RTEL1: variants seen among roughly 807,000 people sequenced by gnomAD.
RTEL1 encodes regulator of telomere length.
Under a neutral mutation model 162.2 loss-of-function variants are expected in RTEL1, and 86 were observed. That is an observed-to-expected ratio of 0.53 (90% CI 0.45 to 0.63). RTEL1 has a LOEUF of 0.63. RTEL1 is among the 30% of genes least tolerant of loss of function. RTEL1 has a pLI of 0.00. For synonymous variants in RTEL1, 958 were observed against 717.9 expected (o/e 1.33, Z -5.35); for missense variants, 1,941 against 1,750.2 (o/e 1.11, Z -1.95).
intron 30 of RTEL1, among the ~76,000 whole-genome samples, chr20:63,693,981 G>A (rs995517757): frequency 1.3e-5 from 2 of 151,598 alleles, no homozygotes; most frequent in African/African-American, 2.4e-5. Flanking sequence ...TGGAGTCCAA[G>A]TCTCCAGAGG....
chr20:63,678,605 A>ACGAACAGCACACACACTCCCC, intron 12 of RTEL1, among the ~76,000 whole-genome samples: 1 of 143,478 alleles, frequency 7.0e-6, no homozygotes, highest in African/African-American at 2.6e-5. Context: ...ACACACTCCC[A>ACGAACAGCACACACACTCCCC]CGAACAGCAC....
intron 30 of RTEL1, 73 bp from the exon 31 acceptor site, chr20:63,694,299 G>GGCCCGCC: frequency 4.8e-5 from 40 of 841,686 alleles, no homozygotes; most frequent in East Asian, 2.3e-4. Context: ...TCCCTAGCCA[G>GGCCCGCC]CCCTGCCCCC....
intron 30 of RTEL1, 129 bp downstream of exon 30, chr20:63,693,412 T>G: frequency 2.7e-6 from 3 of 1,091,722 alleles, no homozygotes; most frequent in Non-Finnish European, 3.9e-6. Context: ...CCTATGGGAG[T>G]GATGGGGGCC....
Position 63,695,503 on chromosome 20 carries a change from C to A in RTEL1, c.3675C>A (p.Ile1225=). ...GGGGTGAGCCTCATGGGAGAGACAT[C>A]GCTGGGCAGCAGGCCACGGGAGCTC... The part of the protein sequence containing the change: ...SEWGEPHGRD[I]AGQQATGAPG... The change falls in exon 34 of 35, where the codon ATC becomes ATA. Residue 1225 remains isoleucine, a synonymous_variant. Coordinates refer to ENST00000360203, the MANE Select transcript of RTEL1 (RefSeq NM_001283009.2). 1 of 1,611,142 alleles carries A rather than the reference C, an allele frequency of 6.2e-7. No homozygotes were observed. The highest frequency in any genetic ancestry group is 1.1e-5 in the South Asian group (1 of 90,856).
At chr20:63,680,802 C>A in intron 14 of RTEL1, 83 bp downstream of exon 14, 1 of 1,585,416 alleles carries the variant, frequency 6.3e-7, no homozygotes, top group South Asian at 1.1e-5. Flanking sequence ...TTAACTGATT[C>A]TAGACTTGGG....
intron 6 of RTEL1, among the ~76,000 whole-genome samples, chr20:63,663,176 A>T (rs1405080189): frequency 6.6e-6 from 1 of 152,104 alleles, no homozygotes; most frequent in Non-Finnish European, 1.5e-5. Flanking sequence ...GTCTCCCTGC[A>T]CCTAACCTGC....
At chr20:63,665,484 G>A (rs943021470) in intron 6 of RTEL1, among the ~76,000 whole-genome samples, 37 of 152,206 alleles carry the variant, frequency 2.4e-4, no homozygotes, top group African/African-American at 4.8e-5. Context: ...CTGCCATGCT[G>A]CAGAGGGGAG....
rs746119024 is a variant in RTEL1, at chr20:63,690,056, G to T, written c.2142-31G>T. 6 of 1,603,950 alleles carry T rather than the reference G, an allele frequency of 3.7e-6. No individual in the cohort carries two copies. In the South Asian group the frequency reaches 6.6e-5, roughly 18 times the overall value. The stretch of plus-strand genomic sequence containing the variant: ...AACTGAACCCTTGAAGCGGCTGTGG[G>T]CAGGGCAGCAGGGCTATGGCCACCC... On this transcript the variant is annotated intron_variant, in intron 24 of 34. Transcript: ENST00000360203.
At chr20:63,674,697 C>CAA (rs1182281905) in intron 10 of RTEL1, among the ~76,000 whole-genome samples, 2 of 117,426 alleles carry the variant, frequency 1.7e-5, no homozygotes, top group Non-Finnish European at 3.6e-5. Context: ...GAGGCCATCT[C>CAA]AAAAAAAAAA....
chr20:63,688,521 C>T lies in RTEL1; in HGVS notation c.1723-7C>T, dbSNP rs1384327042. The T allele has an allele frequency of 6.2e-7, 1 of 1,609,930 alleles. No individual in the cohort carries two copies. The highest frequency in any genetic ancestry group is 8.5e-7 in the Non-Finnish European group (1 of 1,179,278). On this transcript the variant is annotated splice_region_variant and splice_polypyrimidine_tract_variant and intron_variant, in intron 20 of 34. Coordinates refer to ENST00000360203, the MANE Select transcript of RTEL1 (RefSeq NM_001283009.2). Reference sequence around the variant, plus strand: ...GGCTGCCGTGTCCCTGCCTCTTCCTCCCACAGGCCCGCGACTTGGCCAGGA... The same window carrying T: ...GGCTGCCGTGTCCCTGCCTCTTCCTTCCACAGGCCCGCGACTTGGCCAGGA...
chr20:63,685,459 T>A, intron 14 of RTEL1, 64 bp from the exon 15 acceptor site: 1 of 1,531,320 alleles, frequency 6.5e-7, no homozygotes, highest in Admixed American at 1.8e-5. Flanking sequence ...TGTATGCGGC[T>A]GATGCTGCAG....
At position 63,693,489 on chromosome 20, in the gene RTEL1, ACCTCCACCTCCACCACCACCTCCT is replaced by A. The variant is rs1568720280; in HGVS notation, c.2992+209_2992+232del. 3.8e-4 allele frequency among the ~76,000 whole-genome samples: 11 copies of A among 29,220 alleles called. 2 individuals are homozygous for A. Among genetic ancestry groups the A allele is most frequent in the South Asian group, 2.6e-3 (2 of 756 alleles). The allele number at this position is 29,220 out of a possible 152,430, so 19.2% of individuals were successfully genotyped here. Reference sequence around the variant, plus strand: ...CACCTCCACCTCCACCTCCACCACCACCTCCACCTCCACCACCACCTCCTCCACCACCACCACCTCCACCACCAC... The same window carrying A: ...CACCTCCACCTCCACCTCCACCACCACCACCACCACCACCTCCACCACCAC... On this transcript the variant is annotated intron_variant, in intron 30 of 34. Transcript: ENST00000360203.
At chr20:63,690,764 GC>G (rs766703362) in intron 26 of RTEL1, 40 bp from the exon 27 acceptor site, 2 of 1,558,228 alleles carry the variant, frequency 1.3e-6, no homozygotes, top group Non-Finnish European at 1.7e-6. Flanking sequence ...CCCAGCTGGG[GC>G]CCCCCGTGGG....
intron 1 of RTEL1, 23 bp downstream of exon 1, chr20:63,658,489 G>C (rs1407782539): frequency 3.3e-5 from 5 of 152,432 alleles, no homozygotes; most frequent in Admixed American, 2.6e-4. Context: ...GACCCTACAA[G>C]TGGTTCTTTT....
rs6062480 is a variant in RTEL1 at position 63,662,552 on chromosome 20, G to A, written c.402G>A (p.Lys134=). ...CGGTGCTCTCTCCCACCAGGCCTAA[G>A]GTGTGTGTGCTGGGCTCCCGGGAGC... ...NELRNTSYRP[K]VCVLGSREQL... is the part of the protein sequence containing the mutation. Residue 134 remains lysine, a synonymous_variant, in exon 5 of 35, where the codon AAG becomes AAA. Coordinates refer to ENST00000360203, the MANE Select transcript of RTEL1 (RefSeq NM_001283009.2). 2.5e-6 allele frequency: 4 copies of A among 1,614,080 alleles called. No homozygotes were observed. The highest frequency in any genetic ancestry group is 1.7e-6 in the Non-Finnish European group (2 of 1,180,036).
Position 63,695,001 on chromosome 20 carries a change from C to T in RTEL1, c.3343+27C>T, listed in dbSNP as rs764048019. 4 of 1,610,768 alleles carry T rather than the reference C, an allele frequency of 2.5e-6. No homozygotes were observed. In the South Asian group the frequency reaches 3.3e-5, roughly 13 times the overall value. The stretch of plus-strand genomic sequence containing the variant: ...CAAGTGGCCCTGGCGTGGGGAACAG[C>T]CGGTGGGGTGGGGGGCAGGGGACAA... On this transcript the variant is annotated intron_variant, in intron 32 of 34. Transcript: ENST00000360203.
chr20:63,661,590 C>A lies in RTEL1; in HGVS notation c.301+94C>A. ...GGGGTGGGCCCATGGGGACTCCTGC[C>A]GTCTCTCAAGCAGAACTCAAGGAGA... On this transcript the variant is annotated intron_variant, in intron 3 of 34. Coordinates refer to ENST00000360203, the MANE Select transcript of RTEL1 (RefSeq NM_001283009.2). This position sits in a 1 kb window ranked among gnomAD's most constrained non-coding sequence, Gnocchi z 5.1. The A allele has an allele frequency of 7.9e-7, 1 of 1,267,382 alleles. No homozygotes were observed. Among genetic ancestry groups the A allele is most frequent in the Non-Finnish European group, 1.1e-6 (1 of 917,006 alleles). 78.5% of individuals were successfully genotyped at this position (1,267,382 alleles called of 1,614,324 possible). A position where few individuals can be genotyped will look rare whatever the true frequency, so the allele number is the denominator to read the frequency against.
chr20:63,667,157 G>A (rs995740012), intron 7 of RTEL1, among the ~76,000 whole-genome samples: 9 of 152,132 alleles, frequency 5.9e-5, no homozygotes, highest in Non-Finnish European at 1.5e-5. Context: ...CTTTTTCTTA[G>A]TGGTTCTGCG....
Position 63,680,732 on chromosome 20 carries a change from C to T in RTEL1, c.1191+13C>T, listed in dbSNP as rs755758864. The T allele has an allele frequency of 3.7e-6, 6 of 1,613,158 alleles. No homozygotes were observed. In the African/African-American group the frequency reaches 6.7e-5, roughly 18 times the overall value. ...GGACATTATCCAGGTGGGGCCTGCT[C>T]CTCTGTGGCATCTCCTTCCCTGATG... On this transcript the variant is annotated intron_variant, in intron 14 of 34. Coordinates refer to ENST00000360203, the MANE Select transcript of RTEL1 (RefSeq NM_001283009.2).
Sources: gnomAD v4.1 joint callset for allele counts (sites outside exome capture counted in the v4.1 genomes callset) on GRCh38, gnomAD v4.1.1 for gene constraint, Gnocchi (gnomAD v3.1) non-coding constraint, MANE v1.5 for transcripts, NCBI Gene and HGNC (gene_info 2026-07-23, HGNC 2026-07-21) for gene names.